FRG1: variants seen among roughly 807,000 people sequenced by gnomAD.
FRG1 encodes FSHD region gene 1, also known as protein FRG1.
Under a neutral mutation model 37.0 loss-of-function variants are expected in FRG1, and 19 were observed. The ratio of observed to expected loss-of-function variants is 0.51; its 90% CI spans 0.36 to 0.75. FRG1 has a LOEUF of 0.75. Among genes scored for constraint, FRG1 ranks in the 30% least tolerant of loss-of-function variants. The probability of loss-of-function intolerance (pLI) is 0.00; values close to 1 mark genes in which losing one functional copy is unlikely to be tolerated. For synonymous variants in FRG1, 73 were observed against 96.5 expected (o/e 0.76, Z 1.43); for missense variants, 243 against 301.4 (o/e 0.81, Z 1.44).
chr4:189,955,021 T>C lies in FRG1; in HGVS notation c.318-16T>C, dbSNP rs759691997. ...TCTCTCAGTCTTTAACTTTTATCTA[T>C]GTTATTAATGTACAGAATCGCCCTG... is the stretch of plus-strand genomic sequence containing the variant. On this transcript the variant is annotated splice_polypyrimidine_tract_variant and intron_variant, in intron 4 of 8. Transcript: ENST00000226798. 8 of 1,475,118 alleles carry C rather than the reference T, an allele frequency of 5.4e-6. No individual in the cohort carries two copies. In the South Asian group the frequency reaches 9.1e-5, roughly 17 times the overall value. 91.4% of individuals were successfully genotyped at this position (1,475,118 alleles called of 1,614,324 possible).
At chr4:189,943,438 C>G (rs1466390274) in intron 2 of FRG1, among the ~76,000 whole-genome samples, 166 bp downstream of exon 2, 1 of 152,148 alleles carries the variant, frequency 6.6e-6, no homozygotes, top group Non-Finnish European at 1.5e-5. Context: ...ACAGTAGATG[C>G]TACTGATGCC....
At chr4:189,941,555 TC>T (rs1307773092) in intron 1 of FRG1, among the ~76,000 whole-genome samples, 7 of 152,212 alleles carry the variant, frequency 4.6e-5, no homozygotes, top group Non-Finnish European at 7.3e-5. Flanking sequence ...GAACCTGCAC[TC>T]TTGTCATTTA....
chr4:189,956,143 C>T (rs1166106712), intron 5 of FRG1, among the ~76,000 whole-genome samples: 1 of 152,202 alleles, frequency 6.6e-6, no homozygotes, highest in Non-Finnish European at 1.5e-5. Context: ...ACAATACTTA[C>T]TTATCCATGT....
chr4:189,954,099 A>T (rs577399428), intron 4 of FRG1, among the ~76,000 whole-genome samples: 39 of 152,304 alleles, frequency 2.6e-4, no homozygotes, highest in African/African-American at 8.9e-4. Flanking sequence ...TAAAAAGGAA[A>T]GGAAAAGAAA....
chr4:189,956,494 T>C (rs2126817366), intron 5 of FRG1, among the ~76,000 whole-genome samples: 1 of 152,296 alleles, frequency 6.6e-6, no homozygotes, highest in East Asian at 1.9e-4. Context: ...CTTAAAACTA[T>C]TGCAAAAGGG....
chr4:189,957,002 G>T (rs1737010053), intron 5 of FRG1, among the ~76,000 whole-genome samples: 1 of 152,114 alleles, frequency 6.6e-6, no homozygotes, highest in Non-Finnish European at 1.5e-5. Flanking sequence ...TTCTAATTGT[G>T]AAGAAAATAA....
At chr4:189,961,307 G>A (rs1352963602) in intron 7 of FRG1, 2 of 158,554 alleles carry the variant, frequency 1.3e-5, no homozygotes, top group African/African-American at 4.8e-5. Flanking sequence ...AATAGAAGTG[G>A]GGCCTTGTGC....
At chr4:189,961,470 C>CG (rs1206704583) in intron 7 of FRG1, 25 of 164,422 alleles carry the variant, frequency 1.5e-4, no homozygotes, top group Admixed American at 1.5e-3. Flanking sequence ...TGCCATGGCG[C>CG]GATCTCGGCT....
At chr4:189,947,905 G>A (rs577313022) in intron 2 of FRG1, among the ~76,000 whole-genome samples, 28 of 152,312 alleles carry the variant, frequency 1.8e-4, no homozygotes, top group Non-Finnish European at 3.7e-4. Flanking sequence ...CTGCCATTGG[G>A]CAGAAAACAC....
chr4:189,943,056 TATTTA>T, intron 1 of FRG1, 141 bp from the exon 2 acceptor site: 1 of 828,756 alleles, frequency 1.2e-6, no homozygotes, highest in Non-Finnish European at 1.8e-6. Flanking sequence ...CTCAGTACTG[TATTTA>T]AGAGGGCATA....
At chr4:189,944,297 C>T (rs1736436458) in intron 2 of FRG1, among the ~76,000 whole-genome samples, 1 of 152,180 alleles carries the variant, frequency 6.6e-6, no homozygotes, top group Non-Finnish European at 1.5e-5. Context: ...CTGCCTCAGC[C>T]TCCCGAGTAG....
At chr4:189,948,652 C>T (rs78805903) in intron 2 of FRG1, among the ~76,000 whole-genome samples, 1 of 134,858 alleles carries the variant, frequency 7.4e-6, no homozygotes, top group Non-Finnish European at 1.6e-5. Context: ...TGCCCTGGTA[C>T]TATCTTATCA....
chr4:189,957,693 G>A (rs1251831381), intron 6 of FRG1, among the ~76,000 whole-genome samples, 191 bp downstream of exon 6: 1 of 152,148 alleles, frequency 6.6e-6, no homozygotes, highest in Non-Finnish European at 1.5e-5. Context: ...CAATGTGGTA[G>A]AGAAATGAGT....
rs533115418 is a variant in FRG1, at chr4:189,958,821, A to G, written c.537+1319A>G. Among the ~76,000 whole-genome samples, 432 of 152,104 alleles carry G rather than the reference A, an allele frequency of 2.8e-3. 2 individuals carry two copies. The highest frequency in any genetic ancestry group is 6.8e-3 in the Middle Eastern group (2 of 294). On this transcript the variant is annotated intron_variant, in intron 6 of 8. Coordinates refer to ENST00000226798, the MANE Select transcript of FRG1 (RefSeq NM_004477.3). The stretch of plus-strand genomic sequence containing the variant: ...AGAAGCCACTGATCTTTAATGATAA[A>G]CATATACCAGGATGTGTCTAAAGAA...
chr4:189,948,577 C>T (rs184686997), intron 2 of FRG1, among the ~76,000 whole-genome samples: 35 of 152,244 alleles, frequency 2.3e-4, no homozygotes, highest in Non-Finnish European at 4.0e-4. Context: ...GCCCTTAGCA[C>T]GGAAGCACTG....
chr4:189,951,015 C>T (rs1367970108), intron 2 of FRG1, among the ~76,000 whole-genome samples: 1 of 152,112 alleles, frequency 6.6e-6, no homozygotes, highest in Non-Finnish European at 1.5e-5. Flanking sequence ...TGACTCATTT[C>T]TACTCTAGCT....
Position 189,960,909 on chromosome 4 carries a change from A to G in FRG1, c.629+70A>G, listed in dbSNP as rs1352527110. ...TGCTTCTCAAAGTGCTTTCAAAATA[A>G]ATTACCTACTTAGCTGGGCATGGTG... is the stretch of plus-strand genomic sequence containing the variant. On this transcript the variant is annotated intron_variant, in intron 7 of 8. Transcript: ENST00000226798. 7.1e-6 allele frequency: 11 copies of G among 1,549,844 alleles called. No homozygotes were observed. The African/African-American group carries it at 1.5e-4, about 21-fold the overall frequency.
chr4:189,947,089 C>T (rs547935753), intron 2 of FRG1, among the ~76,000 whole-genome samples: 1 of 152,356 alleles, frequency 6.6e-6, no homozygotes, highest in Admixed American at 6.5e-5. Context: ...CTCCTGACCT[C>T]AGGTGATCCT....
rs759691997 is a variant in FRG1, at chr4:189,955,021, T to G, written c.318-16T>G. On this transcript the variant is annotated splice_polypyrimidine_tract_variant and intron_variant, in intron 4 of 8. Transcript: ENST00000226798. Reference sequence around the variant, plus strand: ...TCTCTCAGTCTTTAACTTTTATCTATGTTATTAATGTACAGAATCGCCCTG... The same window carrying G: ...TCTCTCAGTCTTTAACTTTTATCTAGGTTATTAATGTACAGAATCGCCCTG... 2.0e-6 allele frequency: 3 copies of G among 1,475,118 alleles called. No individual in the cohort carries two copies. Among genetic ancestry groups the G allele is most frequent in the Admixed American group, 3.4e-5 (2 of 59,308 alleles). The allele number at this position is 1,475,118 out of a possible 1,614,324, so 91.4% of individuals were successfully genotyped here. A position where few individuals can be genotyped will look rare whatever the true frequency, so the allele number is the denominator to read the frequency against.
Sources: gnomAD v4.1 joint callset for allele counts (sites outside exome capture counted in the v4.1 genomes callset) on GRCh38, gnomAD v4.1.1 for gene constraint, MANE v1.5 for transcripts, NCBI Gene and HGNC (gene_info 2026-07-23, HGNC 2026-07-21) for gene names.